DCPS: variants seen among roughly 807,000 people sequenced by gnomAD.
The protein encoded by DCPS is m7GpppX diphosphatase.
DCPS carries 27 observed loss-of-function variants against 34.7 expected under a neutral mutation model. The ratio of observed to expected loss-of-function variants is 0.78; its 90% CI spans 0.57 to 1.07. DCPS has a LOEUF of 1.07. Ranked by LOEUF, DCPS falls within the 50% of genes least tolerant of loss-of-function variation. The probability of loss-of-function intolerance (pLI) is 0.00; values close to 1 mark genes in which losing one functional copy is unlikely to be tolerated. For synonymous variants in DCPS, 185 were observed against 185.7 expected (o/e 1.00, Z 0.03); for missense variants, 464 against 436.9 (o/e 1.06, Z -0.55).
chr11:126,304,116 G>T lies in DCPS; in HGVS notation c.36G>T (p.Lys12Asn). Residue 12 changes from lysine (K) to asparagine (N), a missense_variant, in exon 1 of 6, where the codon AAG becomes AAT. Lys to Asn is a moderately conservative substitution (Grantham distance 94). Coordinates refer to ENST00000263579, the MANE Select transcript of DCPS (RefSeq NM_014026.6). ...CAGCTCCTCAACTAGGCAAGAGGAAGCGCGAATTGGACGTGGAGGAGGCCC... is the reference window on the plus strand; with the variant it reads ...CAGCTCCTCAACTAGGCAAGAGGAATCGCGAATTGGACGTGGAGGAGGCCC... ...ADAAPQLGKR[K>N]RELDVEEAHA... 9 of 1,613,432 alleles carry T rather than the reference G, an allele frequency of 5.6e-6. No homozygotes were observed. Among genetic ancestry groups the T allele is most frequent in the Non-Finnish European group, 7.6e-6 (9 of 1,179,742 alleles).
Position 126,344,015 on chromosome 11 carries a change from G to A in DCPS, c.747+598G>A, listed in dbSNP as rs1464744584. ...GGACCCTAACCAGCTGAGTGGCCTG[G>A]GGCAGGTCACTTCACCTCCCTAAAC... On this transcript the variant is annotated intron_variant, in intron 5 of 5. Transcript: ENST00000263579. This position sits in a 1 kb window ranked among gnomAD's most constrained non-coding sequence, Gnocchi z 8.1. Among the ~76,000 whole-genome samples, 1 of 152,092 alleles carries A rather than the reference G, an allele frequency of 6.6e-6. No homozygotes were observed. The highest frequency in any genetic ancestry group is 1.5e-5 in the Non-Finnish European group (1 of 68,008).
Position 126,338,805 on chromosome 11 carries a change from G to A in DCPS, c.636+406G>A, listed in dbSNP as rs1277303394. 6.6e-6 allele frequency among the ~76,000 whole-genome samples: 1 copy of A among 152,126 alleles called. No individual in the cohort carries two copies. Among genetic ancestry groups the A allele is most frequent in the East Asian group, 1.9e-4 (1 of 5,172 alleles). On this transcript the variant is annotated intron_variant, in intron 4 of 5. Coordinates refer to ENST00000263579, the MANE Select transcript of DCPS (RefSeq NM_014026.6). This position sits in a 1 kb window ranked among gnomAD's most constrained non-coding sequence, Gnocchi z 5.4. ...GGCAGGCCCGTGTTCTGAAGCACTG[G>A]CAGGCAGGAACCATGGTGACCAACC...
rs1951712498 is a variant in DCPS at position 126,322,232 on chromosome 11, C to T, written c.377-9173C>T. ...TGGGCATCATAATGATCTCAGACTC[C>T]ACAACAACAGCATTCAGATCTTCTT... On this transcript the variant is annotated intron_variant, in intron 2 of 5. Coordinates refer to ENST00000263579, the MANE Select transcript of DCPS (RefSeq NM_014026.6). This position sits in a 1 kb window ranked among gnomAD's most constrained non-coding sequence, Gnocchi z 4.2. Among the ~76,000 whole-genome samples, 1 of 152,082 alleles carries T rather than the reference C, an allele frequency of 6.6e-6. No individual in the cohort carries two copies. Among genetic ancestry groups the T allele is most frequent in the African/African-American group, 2.4e-5 (1 of 41,406 alleles).
Position 126,318,992 on chromosome 11 carries a change from T to C in DCPS, c.376+12248T>C, listed in dbSNP as rs112315253. ...CCCTGCCTCCCACCTCTGAGAGCAG[T>C]TGGGCTTTTGTGTCTAGACGGGGGA... On this transcript the variant is annotated intron_variant, in intron 2 of 5. Coordinates refer to ENST00000263579, the MANE Select transcript of DCPS (RefSeq NM_014026.6). Among the ~76,000 whole-genome samples, 230 of 151,894 alleles carry C rather than the reference T, an allele frequency of 1.5e-3. 7 individuals are homozygous for C. The highest frequency in any genetic ancestry group is 5.3e-3 in the African/African-American group (218 of 41,418).
chr11:126,306,858 G>GA, intron 2 of DCPS, 114 bp downstream of exon 2: 3 of 1,248,664 alleles, frequency 2.4e-6, no homozygotes, highest in Non-Finnish European at 3.2e-6. Context: ...GTACAATAGG[G>GA]AGATTACTTC....
intron 2 of DCPS, among the ~76,000 whole-genome samples, chr11:126,317,557 C>T (rs1951672060): frequency 6.6e-6 from 1 of 152,170 alleles, no homozygotes; most frequent in Non-Finnish European, 1.5e-5. Context: ...TGGTTTCTTT[C>T]AATGGCTGCT....
At position 126,319,172 on chromosome 11, in the gene DCPS, AG is replaced by A. The variant is rs1233566814; in HGVS notation, c.377-12231del. ...GCCTAGAGGGGCGCTTTTCAGCTGG[AG>A]GCATCACTATCATCATTCTCGCCGC... On this transcript the variant is annotated intron_variant, in intron 2 of 5. Transcript: ENST00000263579. This position sits in a 1 kb window ranked among gnomAD's most constrained non-coding sequence, Gnocchi z 4.5. Among the ~76,000 whole-genome samples the A allele has an allele frequency of 2.0e-5, 3 of 152,048 alleles. No individual in the cohort carries two copies. Among genetic ancestry groups the A allele is most frequent in the African/African-American group, 7.2e-5 (3 of 41,392 alleles).
At chr11:126,305,413 CTTTTTTT>C (rs1165260410) in intron 1 of DCPS, among the ~76,000 whole-genome samples, 8 of 68,328 alleles carry the variant, frequency 1.2e-4, no homozygotes, top group South Asian at 1.4e-3. Context: ...CCGCACCCGC[CTTTTTTT>C]TTTTTTTTTT....
chr11:126,309,198 G>A (rs183272667), intron 2 of DCPS, among the ~76,000 whole-genome samples: 1 of 152,118 alleles, frequency 6.6e-6, no homozygotes, highest in Admixed American at 6.6e-5. Context: ...GCTAATTTTT[G>A]TATTTTTAAT....
rs1951922655 is a variant in DCPS at position 126,345,905 on chromosome 11, T to A, written c.*292T>A. Among the ~76,000 whole-genome samples the A allele has an allele frequency of 6.6e-6, 1 of 152,040 alleles. No homozygotes were observed. Among genetic ancestry groups the A allele is most frequent in the African/African-American group, 2.4e-5 (1 of 41,388 alleles). On this transcript the variant is annotated 3_prime_UTR_variant, in exon 6 of 6. Transcript: ENST00000263579. This position sits in a 1 kb window ranked among gnomAD's most constrained non-coding sequence, Gnocchi z 7.4. ...CCCTGGAAGGGTGCCGAGGGCCTTC[T>A]CCAAGCCCCAGGGCTCACCGTCCGT...
Position 126,348,064 on chromosome 11 carries a change from G to A in DCPS, c.*2451G>A, listed in dbSNP as rs140493403. On this transcript the variant is annotated 3_prime_UTR_variant, in exon 6 of 6. Transcript: ENST00000263579. The surrounding 1 kb of genome is among the most constrained non-coding windows in gnomAD (Gnocchi z 5.3). ...CGTAGCGCCTGGCCCCTGGAGGAAG[G>A]TGGGTAGGAATTTGACACCGGATAA... 5.6e-3 allele frequency among the ~76,000 whole-genome samples: 854 copies of A among 152,150 alleles called. 31 individuals carry two copies. The highest frequency in any genetic ancestry group is 0.049 in the Admixed American group (749 of 15,280).
chr11:126,308,282 C>G (rs1053827662), intron 2 of DCPS, among the ~76,000 whole-genome samples: 2 of 152,232 alleles, frequency 1.3e-5, no homozygotes, highest in Non-Finnish European at 2.9e-5. Context: ...TTTTACAGCA[C>G]ATGGTGACTT....
At chr11:126,330,713 A>ATT (rs1951779589) in intron 2 of DCPS, among the ~76,000 whole-genome samples, 4 of 24,136 alleles carry the variant, frequency 1.7e-4, no homozygotes, top group Admixed American at 6.0e-4. Context: ...ATATATATAT[A>ATT]TATATATTTT....
chr11:126,338,503 T>C lies in DCPS; in HGVS notation c.636+104T>C. ...CACGCTGGCCTGTCTCTAAGCAGAT[T>C]ATAATTAACCAACAAGGGTTGGCCT... On this transcript the variant is annotated intron_variant, in intron 4 of 5. Coordinates refer to ENST00000263579, the MANE Select transcript of DCPS (RefSeq NM_014026.6). The surrounding 1 kb of genome is among the most constrained non-coding windows in gnomAD (Gnocchi z 5.4). 1 of 1,053,946 alleles carries C rather than the reference T, an allele frequency of 9.5e-7. No homozygotes were observed. Among genetic ancestry groups the C allele is most frequent in the Middle Eastern group, 2.3e-4 (1 of 4,420 alleles). The allele number at this position is 1,053,946 out of a possible 1,614,324, so 65.3% of individuals were successfully genotyped here. A position where few individuals can be genotyped will look rare whatever the true frequency, so the allele number is the denominator to read the frequency against.
chr11:126,345,819 G>GA lies in DCPS; in HGVS notation c.*208dup, dbSNP rs1385912618. 4 of 728,196 alleles carry GA rather than the reference G, an allele frequency of 5.5e-6. No homozygotes were observed. The highest frequency in any genetic ancestry group is 1.8e-5 in the African/African-American group (1 of 56,186). 45.1% of individuals were successfully genotyped at this position (728,196 alleles called of 1,614,324 possible). On this transcript the variant is annotated 3_prime_UTR_variant, in exon 6 of 6. Coordinates refer to ENST00000263579, the MANE Select transcript of DCPS (RefSeq NM_014026.6). This position sits in a 1 kb window ranked among gnomAD's most constrained non-coding sequence, Gnocchi z 7.4. ...GACAGTGGGTGGGTAGAACCTGTGG[G>GA]AAGGCCTTGAGAATGGTGGAAAGTC...
chr11:126,304,629 G>T (rs1465611602), intron 1 of DCPS, among the ~76,000 whole-genome samples: 2 of 152,046 alleles, frequency 1.3e-5, no homozygotes, highest in African/African-American at 4.8e-5. Context: ...TAGATGTCTC[G>T]CTCATCCCTG....
rs1222096031 is a variant in DCPS, at chr11:126,306,578, G to A, written c.210G>A (p.Glu70=). The change falls in exon 2 of 6, where the codon GAG becomes GAA. Residue 70 remains glutamate, a synonymous_variant. Transcript: ENST00000263579. ...GATGCCTCTGCCCACAGGTGAATGA[G>A]GCCTCTGGGGATGGGGATGGAGAGG... ...KIIFLHGKVN[E]ASGDGDGEDA... is the part of the protein sequence containing the mutation. 5 of 1,600,870 alleles carry A rather than the reference G, an allele frequency of 3.1e-6. No individual in the cohort carries two copies. The Admixed American group carries it at 8.4e-5, about 27-fold the overall frequency.
Position 126,338,432 on chromosome 11 carries a change from T to G in DCPS, c.636+33T>G. On this transcript the variant is annotated intron_variant, in intron 4 of 5. Transcript: ENST00000263579. The surrounding 1 kb of genome is among the most constrained non-coding windows in gnomAD (Gnocchi z 5.4). The stretch of plus-strand genomic sequence containing the variant: ...TTTCTGGCTGGAATGTCCTGATCTC[T>G]GGCCACCCTGCTGTAAGTGCTGGTC... 5.0e-6 allele frequency: 8 copies of G among 1,585,468 alleles called. No individual in the cohort carries two copies. The highest frequency in any genetic ancestry group is 2.2e-5 in the East Asian group (1 of 44,732).
rs1383962894 is a variant in DCPS, at chr11:126,331,667, G to A, written c.522+117G>A. 44 of 1,311,134 alleles carry A rather than the reference G, an allele frequency of 3.4e-5. No homozygotes were observed. The highest frequency in any genetic ancestry group is 5.2e-6 in the Non-Finnish European group (5 of 966,842). The allele number at this position is 1,311,134 out of a possible 1,614,324, so 81.2% of individuals were successfully genotyped here. A position where few individuals can be genotyped will look rare whatever the true frequency, so the allele number is the denominator to read the frequency against. ...GCGCTGTGCTGGGCGAGGGGATGGG[G>A]GTACAGTAGAGAGCATGGCGGACAG... On this transcript the variant is annotated intron_variant, in intron 3 of 5. Coordinates refer to ENST00000263579, the MANE Select transcript of DCPS (RefSeq NM_014026.6). This position sits in a 1 kb window ranked among gnomAD's most constrained non-coding sequence, Gnocchi z 7.2.
Sources: allele counts gnomAD v4.1 joint callset (sites outside exome capture counted in the v4.1 genomes callset), GRCh38; gene constraint gnomAD v4.1.1; non-coding constraint Gnocchi (gnomAD v3.1); transcripts MANE v1.5; gene names NCBI Gene and HGNC (gene_info 2026-07-23, HGNC 2026-07-21).